FAM184B: variants seen among roughly 807,000 people sequenced by gnomAD.
FAM184B encodes the protein family with sequence similarity 184 member B, also known as protein FAM184B.
Under a neutral mutation model 135.9 loss-of-function variants are expected in FAM184B, and 111 were observed. The ratio of observed to expected loss-of-function variants is 0.82; its 90% confidence interval spans 0.70 to 0.96. FAM184B has a LOEUF of 0.96. FAM184B is among the 40% of genes least tolerant of loss of function. The pLI is 0.00. For missense variants in FAM184B, 1,375 were observed against 1,323.9 expected, an observed-to-expected ratio of 1.04 and a Z score of -0.60; for synonymous variants, 552 against 524.8, an observed-to-expected ratio of 1.05 and a Z score of -0.71.
chr4:17,687,928 C>G (rs1716625031), intron 7 of FAM184B, among the ~76,000 whole-genome samples: 1 of 152,152 alleles, frequency 6.6e-6, no homozygotes, highest in Non-Finnish European at 1.5e-5. Flanking sequence ...AGAGAACAAT[C>G]CAACCCACCG....
chr4:17,736,399 T>C (rs1717910026), intron 1 of FAM184B, among the ~76,000 whole-genome samples: 1 of 152,198 alleles, frequency 6.6e-6, no homozygotes, highest in South Asian at 2.1e-4. Context: ...TAAAAATGAA[T>C]TTGAATTATG....
intron 2 of FAM184B, 123 bp downstream of exon 2, chr4:17,708,769 G>A (rs1259690734): frequency 1.1e-6 from 1 of 874,634 alleles, no homozygotes; most frequent in Non-Finnish European, 1.6e-6. Flanking sequence ...ATTCAATGGA[G>A]ATAATAGGGC....
chr4:17,684,374 G>A (rs1716529014), intron 7 of FAM184B, among the ~76,000 whole-genome samples: 2 of 151,948 alleles, frequency 1.3e-5, no homozygotes, highest in South Asian at 4.1e-4. Flanking sequence ...AGGGAACTCA[G>A]CAGGAAGAAG....
At chr4:17,760,128 T>C (rs1718512301) in intron 1 of FAM184B, among the ~76,000 whole-genome samples, 1 of 152,080 alleles carries the variant, frequency 6.6e-6, no homozygotes, top group Non-Finnish European at 1.5e-5. Context: ...GGGAGACTAA[T>C]ATAATCATTA....
At chr4:17,754,764 C>T (rs375228912) in intron 1 of FAM184B, among the ~76,000 whole-genome samples, 8 of 151,948 alleles carry the variant, frequency 5.3e-5, no homozygotes, top group Non-Finnish European at 1.2e-4. Context: ...CATTCTGAGA[C>T]TTTCCCACAT....
At chr4:17,701,697 T>C (rs1322992630) in intron 5 of FAM184B, among the ~76,000 whole-genome samples, 1 of 152,214 alleles carries the variant, frequency 6.6e-6, no homozygotes, top group Non-Finnish European at 1.5e-5. Context: ...ACACAGAACT[T>C]GGCACCTGCA....
At chr4:17,738,994 G>A (rs1717966989) in intron 1 of FAM184B, among the ~76,000 whole-genome samples, 1 of 152,114 alleles carries the variant, frequency 6.6e-6, no homozygotes, top group Non-Finnish European at 1.5e-5. Flanking sequence ...CTTCCATCCA[G>A]CAGAATCATG....
At chr4:17,654,824 G>A (rs989615732) in intron 10 of FAM184B, among the ~76,000 whole-genome samples, 15 of 152,182 alleles carry the variant, frequency 9.9e-5, no homozygotes, top group Non-Finnish European at 2.1e-4. Context: ...CCTCCCAGGG[G>A]AAACGCAGTC....
At chr4:17,636,752 G>C in intron 14 of FAM184B, 107 bp from the exon 15 acceptor site, 1 of 965,218 alleles carries the variant, frequency 1.0e-6, no homozygotes, top group Non-Finnish European at 1.5e-6. Flanking sequence ...AGCCCGGCCA[G>C]GGAGGCCCAG....
At chr4:17,770,269 G>A (rs1361166928) in intron 1 of FAM184B, among the ~76,000 whole-genome samples, 1 of 152,276 alleles carries the variant, frequency 6.6e-6, no homozygotes, top group African/African-American at 2.4e-5. Flanking sequence ...TCTTGCCTTT[G>A]TGTGAGTGGG....
chr4:17,709,400 G>T lies in FAM184B; in HGVS notation c.386C>A (p.Thr129Lys), dbSNP rs977021514. 2 of 1,520,292 alleles carry T rather than the reference G, an allele frequency of 1.3e-6. No homozygotes were observed. Among genetic ancestry groups the T allele is most frequent in the Non-Finnish European group, 1.8e-6 (2 of 1,129,034 alleles). The allele number at this position is 1,520,292 out of a possible 1,614,324, so 94.2% of individuals were successfully genotyped here. A position where few individuals can be genotyped will look rare whatever the true frequency, so the allele number is the denominator to read the frequency against. The change falls in exon 2 of 18, where the codon ACG becomes AAG. Residue 129 changes from threonine to lysine, a missense_variant. Thr to Lys is a moderately conservative substitution (Grantham distance 78). Transcript: ENST00000265018. ...LAESASCRLE[T>K]KERELRVEAE... Reference sequence around the variant, plus strand: ...CTCCACCCTCAGCTCTCTCTCCTTCGTCTCCAGCCTGCACGAGGCCGACTC... The same window carrying T: ...CTCCACCCTCAGCTCTCTCTCCTTCTTCTCCAGCCTGCACGAGGCCGACTC...
intron 2 of FAM184B, among the ~76,000 whole-genome samples, 183 bp downstream of exon 2, chr4:17,708,709 A>ATATATACT (rs3066655): frequency 2.6e-5 from 1 of 38,840 alleles, no homozygotes; most frequent in Non-Finnish European, 4.7e-5. Flanking sequence ...ATATATATAT[A>ATATATACT]GTGTCTGTGT....
intron 1 of FAM184B, among the ~76,000 whole-genome samples, chr4:17,777,150 C>A (rs1227468963): frequency 6.6e-6 from 1 of 152,062 alleles, no homozygotes; most frequent in African/African-American, 2.4e-5. Context: ...ACACAGCATA[C>A]CCATAGAACA....
At chr4:17,729,620 T>C (rs1717728585) in intron 1 of FAM184B, among the ~76,000 whole-genome samples, 1 of 152,340 alleles carries the variant, frequency 6.6e-6, no homozygotes, top group Non-Finnish European at 1.5e-5. Flanking sequence ...CCACCGCTGT[T>C]CTGCAGCCAC....
chr4:17,664,459 G>T, intron 8 of FAM184B, 103 bp downstream of exon 8: 2 of 877,708 alleles, frequency 2.3e-6, no homozygotes, highest in Non-Finnish European at 3.5e-6. Flanking sequence ...GCTGCAAGGA[G>T]CAGTGATAAA....
At chr4:17,633,339 A>G (rs1012347656) in intron 17 of FAM184B, 7 of 181,604 alleles carry the variant, frequency 3.9e-5, no homozygotes, top group Middle Eastern at 2.3e-3. Context: ...AGCACATCCT[A>G]TGGATTAATT....
At chr4:17,753,313 A>G (rs936672467) in intron 1 of FAM184B, among the ~76,000 whole-genome samples, 10 of 152,256 alleles carry the variant, frequency 6.6e-5, no homozygotes, top group African/African-American at 2.4e-4. Flanking sequence ...AAGGATCTCA[A>G]AAATGTTTTA....
chr4:17,713,185 G>A (rs1040918090), intron 1 of FAM184B, among the ~76,000 whole-genome samples: 6 of 152,132 alleles, frequency 3.9e-5, no homozygotes, highest in East Asian at 1.9e-4. Flanking sequence ...ATTATTATGC[G>A]AATGAGTGAA....
At chr4:17,648,076 G>A (rs1350079907) in intron 11 of FAM184B, among the ~76,000 whole-genome samples, 1 of 152,078 alleles carries the variant, frequency 6.6e-6, no homozygotes, top group Admixed American at 6.6e-5. Context: ...TGAGCACAAT[G>A]CCCAAAGCCA....
Sources: allele counts gnomAD v4.1 joint callset (sites outside exome capture counted in the v4.1 genomes callset), GRCh38; gene constraint gnomAD v4.1.1; transcripts MANE v1.5; gene names NCBI Gene and HGNC (gene_info 2026-07-23, HGNC 2026-07-21).